Variants in SDK1 observed in about 807,000 individuals in gnomAD.
The protein encoded by SDK1 is sidekick cell adhesion molecule 1, also known as protein sidekick-1.
A neutral mutation model predicts 245.5 loss-of-function variants in SDK1; 157 were observed. The observed-to-expected ratio is 0.64, with a 90% confidence interval of 0.56 to 0.73. The LOEUF (loss-of-function observed/expected upper bound fraction) is 0.73, where lower values mean the gene tolerates loss of function less well. Among genes scored for constraint, SDK1 ranks in the 30% least tolerant of loss-of-function variants. The pLI is 0.00. For missense variants in SDK1, 3,583 were observed against 3,002.3 expected (o/e 1.19, Z -4.52); for synonymous variants, 1,647 against 1,278.5 (o/e 1.29, Z -6.15).
intron 4 of SDK1, among the ~76,000 whole-genome samples, chr7:3,782,881 A>G (rs752306113): frequency 2.0e-5 from 3 of 152,248 alleles, no homozygotes; most frequent in Admixed American, 6.5e-5. Flanking sequence ...TACAAAGCCA[A>G]CATTACCTTG....
chr7:3,333,874 C>T (rs1310322742), intron 1 of SDK1, among the ~76,000 whole-genome samples: 1 of 152,170 alleles, frequency 6.6e-6, no homozygotes, highest in East Asian at 1.9e-4. Context: ...CCAAGGCTGC[C>T]CTGTGGAACT....
intron 25 of SDK1, among the ~76,000 whole-genome samples, chr7:4,119,368 C>T (rs1414249164): frequency 6.8e-6 from 1 of 148,148 alleles, no homozygotes; most frequent in Non-Finnish European, 1.5e-5. Flanking sequence ...GGCAGGAGAA[C>T]TGCTTCAGCC....
chr7:3,955,978 C>G (rs1234535365), intron 7 of SDK1, among the ~76,000 whole-genome samples: 1 of 152,170 alleles, frequency 6.6e-6, no homozygotes, highest in African/African-American at 2.4e-5. Context: ...ATGTGGAAGG[C>G]GGAAAATCTG....
intron 1 of SDK1, among the ~76,000 whole-genome samples, chr7:3,424,855 C>T (rs538723282): frequency 8.1e-4 from 123 of 152,268 alleles, no homozygotes; most frequent in Middle Eastern, 3.4e-3. Context: ...TATGATAGCA[C>T]TACTGCACTC....
intron 1 of SDK1, among the ~76,000 whole-genome samples, chr7:3,587,433 G>C (rs1278070350): frequency 6.6e-6 from 1 of 152,078 alleles, no homozygotes; most frequent in Admixed American, 6.5e-5. Flanking sequence ...TGGTGGTGTA[G>C]TTCAGGAGTG....
intron 14 of SDK1, among the ~76,000 whole-genome samples, chr7:4,003,793 T>C (rs1206579757): frequency 1.3e-5 from 2 of 152,242 alleles, no homozygotes; most frequent in Non-Finnish European, 2.9e-5. Context: ...TGCAGCCTGC[T>C]TATACTCAGT....
intron 1 of SDK1, among the ~76,000 whole-genome samples, chr7:3,505,691 A>G (rs751441708): frequency 1.3e-5 from 2 of 152,158 alleles, no homozygotes; most frequent in East Asian, 1.9e-4. Context: ...TCGGCCCTCT[A>G]TGTCTGTGAA....
At chr7:3,906,685 T>A (rs1778953187) in intron 5 of SDK1, among the ~76,000 whole-genome samples, 1 of 125,854 alleles carries the variant, frequency 7.9e-6, no homozygotes, top group Non-Finnish European at 1.6e-5. Flanking sequence ...TGGAGTGCAG[T>A]GGCAAGATCT....
chr7:3,800,742 G>A (rs17133861), intron 4 of SDK1, among the ~76,000 whole-genome samples: 2,593 of 152,060 alleles, frequency 0.017, 61 homozygotes, highest in African/African-American at 0.059. Flanking sequence ...AGAGTTTTTC[G>A]TCTGGATCAC....
chr7:3,973,880 C>T (rs1733080006), intron 12 of SDK1, among the ~76,000 whole-genome samples: 2 of 151,796 alleles, frequency 1.3e-5, no homozygotes, highest in African/African-American at 4.8e-5. Flanking sequence ...AATTCATATG[C>T]CATAAAATTC....
intron 28 of SDK1, among the ~76,000 whole-genome samples, chr7:4,141,761 T>C (rs1474320483): frequency 2.0e-5 from 3 of 152,170 alleles, no homozygotes; most frequent in Non-Finnish European, 4.4e-5. Flanking sequence ...AGGCATGTTT[T>C]TGTTGTTGTT....
intron 5 of SDK1, among the ~76,000 whole-genome samples, chr7:3,835,243 C>A (rs564505053): frequency 6.6e-6 from 1 of 152,256 alleles, no homozygotes; most frequent in Admixed American, 6.5e-5. Context: ...TAGTAAGGTG[C>A]CCGAAGATAG....
At position 3,362,306 on chromosome 7, in the gene SDK1, T is replaced by C. The variant is rs1181484869; in HGVS notation, c.298+60422T>C. Among the ~76,000 whole-genome samples, 7 of 152,214 alleles carry C rather than the reference T, an allele frequency of 4.6e-5. 1 individual carries two copies. The highest frequency in any genetic ancestry group is 3.9e-4 in the Admixed American group (6 of 15,282). On this transcript the variant is annotated intron_variant, in intron 1 of 44. Transcript: ENST00000404826. ...GTAAATGCAGACTTCTTTCACCTTT[T>C]TGAAGACTATCTTTTTGAAGACTTT...
chr7:3,908,196 G>A (rs1022257278), intron 5 of SDK1, among the ~76,000 whole-genome samples: 9 of 152,196 alleles, frequency 5.9e-5, no homozygotes, highest in African/African-American at 1.4e-4. Context: ...TGGGCCGTGC[G>A]CATAACCCGG....
chr7:3,899,800 C>G (rs573776120), intron 5 of SDK1, among the ~76,000 whole-genome samples: 295 of 152,364 alleles, frequency 1.9e-3, no homozygotes, highest in Middle Eastern at 0.01. Context: ...AAGGCTGACA[C>G]TCCTCTATAG....
intron 31 of SDK1, among the ~76,000 whole-genome samples, 155 bp downstream of exon 31, chr7:4,158,706 G>A (rs184466192): frequency 1.3e-3 from 204 of 152,330 alleles, no homozygotes; most frequent in Non-Finnish European, 2.1e-3. Context: ...GAGGGTTTCC[G>A]CACAGCCTGT....
chr7:3,526,286 G>A (rs1274323946), intron 1 of SDK1, among the ~76,000 whole-genome samples: 1 of 151,722 alleles, frequency 6.6e-6, no homozygotes, highest in Non-Finnish European at 1.5e-5. Context: ...TCTTTTTACT[G>A]TCCAGTTTTA....
chr7:4,196,812 G>T (rs1442903830), intron 35 of SDK1, among the ~76,000 whole-genome samples: 1 of 152,210 alleles, frequency 6.6e-6, no homozygotes, highest in Non-Finnish European at 1.5e-5. Context: ...GCTTCTCACG[G>T]TACCTAGTGG....
At chr7:4,146,795 C>T (rs1418344790) in intron 29 of SDK1, among the ~76,000 whole-genome samples, 2 of 152,234 alleles carry the variant, frequency 1.3e-5, no homozygotes, top group South Asian at 4.1e-4. Flanking sequence ...TGCACTTGGC[C>T]TATCCTTCCT....
Sources: gnomAD v4.1 joint callset for allele counts (sites outside exome capture counted in the v4.1 genomes callset) on GRCh38, gnomAD v4.1.1 for gene constraint, MANE v1.5 for transcripts, NCBI Gene and HGNC (gene_info 2026-07-23, HGNC 2026-07-21) for gene names.